Variants in ALDH2 observed in about 807,000 individuals in gnomAD.
ALDH2 encodes aldehyde dehydrogenase, mitochondrial.
ALDH2 carries 44 observed loss-of-function variants against 59.6 expected under a neutral mutation model. The observed-to-expected ratio is 0.74, with a 90% CI of 0.58 to 0.95. The LOEUF (loss-of-function observed/expected upper bound fraction) is 0.95. Among genes scored for constraint, ALDH2 ranks in the 40% least tolerant of loss-of-function variants. ALDH2 has a pLI of 0.00. For missense variants in ALDH2, 570 were observed against 696.3 expected (o/e 0.82, Z 2.04); for synonymous variants, 291 against 284.0 (o/e 1.02, Z -0.25).
At chr12:111,801,409 C>T (rs1221852528) in intron 11 of ALDH2, among the ~76,000 whole-genome samples, 13 of 152,140 alleles carry the variant, frequency 8.5e-5, no homozygotes. Flanking sequence ...AGTGAAAGAA[C>T]CCAGACTGTC....
chr12:111,791,546 T>G, intron 7 of ALDH2, 127 bp downstream of exon 7: 1 of 722,544 alleles, frequency 1.4e-6, no homozygotes. Flanking sequence ...GACGACCCTG[T>G]AGGTACCAGG....
chr12:111,809,381 G>A (rs574527758), intron 12 of ALDH2, among the ~76,000 whole-genome samples, 162 bp from the exon 13 acceptor site: 1 of 152,330 alleles, frequency 6.6e-6, no homozygotes, highest in Admixed American at 6.5e-5. Flanking sequence ...CTTGAGCCAG[G>A]AGGTCAAGGC....
intron 10 of ALDH2, 138 bp from the exon 11 acceptor site, chr12:111,799,765 GGCT>G: frequency 4.9e-6 from 5 of 1,017,196 alleles, no homozygotes; most frequent in Non-Finnish European, 5.6e-6. Flanking sequence ...TGAGCTTGAT[GGCT>G]GTTGTCTTCC....
Position 111,792,706 on chromosome 12 carries a change from T to C in ALDH2, c.1007T>C (p.Val336Ala). Residue 336 changes from valine to alanine, a missense_variant, in exon 9 of 13, where the codon GTG becomes GCG. Physicochemically the swap from Val to Ala is moderately conservative, Grantham distance 64. Transcript: ENST00000261733. ...CAGGAGGACATCTATGATGAGTTTG[T>C]GGAGCGGAGCGTTGCCCGGGCCAAG... ...FVQEDIYDEF[V>A]ERSVARAKSR... 1 of 1,597,348 alleles carries C rather than the reference T, an allele frequency of 6.3e-7. No homozygotes were observed. The highest frequency in any genetic ancestry group is 8.5e-7 in the Non-Finnish European group (1 of 1,172,448).
chr12:111,788,330 G>A (rs78991894), intron 4 of ALDH2, among the ~76,000 whole-genome samples: 5,130 of 152,270 alleles, frequency 0.034, 301 homozygotes, highest in African/African-American at 0.12. Flanking sequence ...TGGCAGCCTC[G>A]ACTGCGAGGG....
In ALDH2 at chr12:111,812,651, T is replaced by C. The variant is rs915939778; in HGVS notation, c.*3076T>C. ...CAGCATTTTGGGAAGCTGAGGTGGG[T>C]GATTTGCTTCAGCCCACGAGTTCAA... is the stretch of plus-strand genomic sequence containing the variant. On this transcript the variant is annotated 3_prime_UTR_variant, in exon 13 of 13. Coordinates refer to ENST00000261733, the MANE Select transcript of ALDH2 (RefSeq NM_000690.4). 1 of 152,074 alleles carries C rather than the reference T, an allele frequency of 6.6e-6. No individual in the cohort carries two copies. Among genetic ancestry groups the C allele is most frequent in the Non-Finnish European group, 1.5e-5 (1 of 68,052 alleles). 9.4% of individuals were successfully genotyped at this position (152,074 alleles called of 1,614,324 possible). A position where few individuals can be genotyped will look rare whatever the true frequency, so the allele number is the denominator to read the frequency against.
chr12:111,782,912 A>T (rs2068283115), intron 2 of ALDH2, among the ~76,000 whole-genome samples: 1 of 149,642 alleles, frequency 6.7e-6, no homozygotes, highest in East Asian at 1.9e-4. Context: ...AAGAAAATAC[A>T]GAAATTATCC....
intron 1 of ALDH2, among the ~76,000 whole-genome samples, chr12:111,781,521 G>T (rs1249415068): frequency 1.3e-5 from 2 of 152,150 alleles, no homozygotes; most frequent in African/African-American, 2.4e-5. Context: ...ATGACTATTG[G>T]CCCCAGCTGT....
At chr12:111,792,533 C>T (rs1027354097) in intron 8 of ALDH2, 65 bp from the exon 9 acceptor site, 41 of 1,524,968 alleles carry the variant, frequency 2.7e-5, no homozygotes, top group African/African-American at 2.3e-4. Flanking sequence ...ATTGGGCAGG[C>T]GGCCACCAGG....
chr12:111,805,821 G>A (rs190947876), intron 12 of ALDH2, among the ~76,000 whole-genome samples: 21 of 152,086 alleles, frequency 1.4e-4, no homozygotes, highest in Non-Finnish European at 2.6e-4. Context: ...TCAAGAGATC[G>A]AGACCATCCT....
At chr12:111,778,869 T>C (rs987627555) in intron 1 of ALDH2, among the ~76,000 whole-genome samples, 1 of 147,018 alleles carries the variant, frequency 6.8e-6, no homozygotes, top group Non-Finnish European at 1.5e-5. Context: ...TCCAGATTCT[T>C]TTTTTTTTTT....
At chr12:111,787,848 G>A (rs1277207638) in intron 4 of ALDH2, among the ~76,000 whole-genome samples, 1 of 151,926 alleles carries the variant, frequency 6.6e-6, no homozygotes, top group African/African-American at 2.4e-5. Flanking sequence ...TGGCTAACAC[G>A]GTGAAACCCC....
rs1441586508 is a variant in ALDH2, at chr12:111,816,751, TGTG to T, written c.*7180_*7182del. On this transcript the variant is annotated 3_prime_UTR_variant, in exon 13 of 13. Coordinates refer to ENST00000261733, the MANE Select transcript of ALDH2 (RefSeq NM_000690.4). Reference sequence around the variant, plus strand: ...CCAAGGACTACATATAAGATGTTAATGTGGTGCTTTAGACAGGTCCAAGGGTTG... The same window carrying T: ...CCAAGGACTACATATAAGATGTTAATGTGCTTTAGACAGGTCCAAGGGTTG... 1 of 152,240 alleles carries T rather than the reference TGTG, an allele frequency of 6.6e-6. No homozygotes were observed. The highest frequency in any genetic ancestry group is 1.5e-5 in the Non-Finnish European group (1 of 68,036). 9.4% of individuals were successfully genotyped at this position (152,240 alleles called of 1,614,324 possible). A position where few individuals can be genotyped will look rare whatever the true frequency, so the allele number is the denominator to read the frequency against.
intron 9 of ALDH2, among the ~76,000 whole-genome samples, chr12:111,795,510 T>C (rs2068395925): frequency 6.6e-6 from 1 of 152,058 alleles, no homozygotes; most frequent in East Asian, 1.9e-4. Flanking sequence ...CTTGAACTCC[T>C]GACCTCAGGT....
chr12:111,789,949 C>T lies in ALDH2; in HGVS notation c.552+15C>T, dbSNP rs1227333074. On this transcript the variant is annotated intron_variant, in intron 5 of 12. Coordinates refer to ENST00000261733, the MANE Select transcript of ALDH2 (RefSeq NM_000690.4). ...AGATCATTCCGGTGAGTCCAGCCTC[C>T]CTGGAGTTTCTTCAGGGTGCCCTGA... 1 of 1,608,798 alleles carries T rather than the reference C, an allele frequency of 6.2e-7. No homozygotes were observed. Among genetic ancestry groups the T allele is most frequent in the East Asian group, 2.2e-5 (1 of 44,860 alleles).
At chr12:111,778,320 G>A (rs2068247978) in intron 1 of ALDH2, among the ~76,000 whole-genome samples, 1 of 152,132 alleles carries the variant, frequency 6.6e-6, no homozygotes, top group African/African-American at 2.4e-5. Context: ...CGAGGTGAGT[G>A]GATCACCTGA....
rs2068285142 is a variant in ALDH2, at chr12:111,783,158, G to A, written c.220G>A (p.Glu74Lys). 1 of 1,606,050 alleles carries A rather than the reference G, an allele frequency of 6.2e-7. No individual in the cohort carries two copies. Among genetic ancestry groups the A allele is most frequent in the Non-Finnish European group, 8.5e-7 (1 of 1,174,646 alleles). ...GCTTGAGTTTTCCTGTGTTTTCTAG[G>A]AAGATGTGGACAAGGCAGTGAAGGC... ...VICQVAEGDK[E>K]DVDKAVKAAR... The change falls in exon 3 of 13, where the codon GAA (glutamate) becomes AAA (lysine). Residue 74 changes from glutamate (E) to lysine (K), a missense_variant and splice_region_variant. Transcript: ENST00000261733.
At chr12:111,779,213 G>C (rs921027865) in intron 1 of ALDH2, among the ~76,000 whole-genome samples, 14 of 150,616 alleles carry the variant, frequency 9.3e-5, no homozygotes, top group African/African-American at 3.4e-4. Flanking sequence ...TTGAGAGAGG[G>C]TCTTGCTCTG....
chr12:111,780,989 G>T (rs1472532220), intron 1 of ALDH2, among the ~76,000 whole-genome samples: 1 of 151,956 alleles, frequency 6.6e-6, no homozygotes, highest in Admixed American at 6.6e-5. Context: ...TGTGCCTGTG[G>T]TCCCAGCTAC....
Sources: gnomAD v4.1 joint callset for allele counts (sites outside exome capture counted in the v4.1 genomes callset) on GRCh38, gnomAD v4.1.1 for gene constraint, MANE v1.5 for transcripts, NCBI Gene and HGNC (gene_info 2026-07-23, HGNC 2026-07-21) for gene names.